The following PAM variants were observed in gnomAD, a reference collection of about 807,000 sequenced individuals.
The protein encoded by PAM is peptidyl-glycine alpha-amidating monooxygenase.
Under a neutral mutation model 122.1 loss-of-function variants are expected in PAM, and 72 were observed. The ratio of observed to expected loss-of-function variants is 0.59; its 90% CI spans 0.49 to 0.72. The LOEUF is 0.72. Ranked by LOEUF, PAM falls within the 30% of genes least tolerant of loss-of-function variation. The pLI is 0.00. For synonymous variants in PAM, 389 were observed against 404.4 expected (o/e 0.96, Z 0.46); for missense variants, 1,106 against 1,183.7 (o/e 0.93, Z 0.96).
chr5:102,929,583 G>A (rs1316710015), intron 7 of PAM, among the ~76,000 whole-genome samples: 2 of 152,130 alleles, frequency 1.3e-5, no homozygotes, highest in African/African-American at 4.8e-5. Flanking sequence ...CTGAAAAGTG[G>A]GGAAATGTTT....
At chr5:102,873,018 C>T (rs1788023227) in intron 3 of PAM, among the ~76,000 whole-genome samples, 1 of 151,828 alleles carries the variant, frequency 6.6e-6, no homozygotes, top group Non-Finnish European at 1.5e-5. Flanking sequence ...ACCCCCATGA[C>T]ATACAATTTA....
At chr5:102,979,085 C>A (rs62362526) in intron 15 of PAM, among the ~76,000 whole-genome samples, 1 of 151,528 alleles carries the variant, frequency 6.6e-6, no homozygotes, top group South Asian at 2.1e-4. Context: ...CACACAAACA[C>A]CCTAGATATA....
chr5:102,969,567 T>C (rs1765209113), intron 14 of PAM, among the ~76,000 whole-genome samples: 1 of 152,152 alleles, frequency 6.6e-6, no homozygotes, highest in African/African-American at 2.4e-5. Flanking sequence ...AAAGTTGATG[T>C]TGCAAATCAG....
intron 1 of PAM, among the ~76,000 whole-genome samples, chr5:102,827,195 A>G (rs1773917643): frequency 6.6e-6 from 1 of 152,234 alleles, no homozygotes; most frequent in South Asian, 2.1e-4. Flanking sequence ...TAATCCAGAA[A>G]TCTGAAATCT....
At chr5:102,978,248 G>A (rs2150523618) in intron 15 of PAM, among the ~76,000 whole-genome samples, 1 of 152,238 alleles carries the variant, frequency 6.6e-6, no homozygotes, top group South Asian at 2.1e-4. Context: ...GGAACTTGTG[G>A]CTCTTCAAAC....
chr5:102,762,060 CT>C (rs1355018175), intron 1 of PAM, among the ~76,000 whole-genome samples: 6 of 152,140 alleles, frequency 3.9e-5, no homozygotes, highest in African/African-American at 1.4e-4. Context: ...AAAAACGTTA[CT>C]TTGTTAAATG....
At chr5:102,807,760 C>T (rs113278402) in intron 1 of PAM, among the ~76,000 whole-genome samples, 2,177 of 152,246 alleles carry the variant, frequency 0.014, 58 homozygotes, top group African/African-American at 0.05. Context: ...TTAATGCTAG[C>T]TAAATGAGAA....
chr5:102,790,470 A>G lies in PAM; in HGVS notation c.-374+35122A>G, dbSNP rs116133399. 1.8e-3 allele frequency among the ~76,000 whole-genome samples: 273 copies of G among 152,178 alleles called. 2 individuals are homozygous for G. Among genetic ancestry groups the G allele is most frequent in the African/African-American group, 6.4e-3 (267 of 41,550 alleles). Reference sequence around the variant, plus strand: ...TATTTTACAATGACAGTAGCTTTCAATAAGCCTGTGGTTCTTATGAGGATG... The same window carrying G: ...TATTTTACAATGACAGTAGCTTTCAGTAAGCCTGTGGTTCTTATGAGGATG... On this transcript the variant is annotated intron_variant, in intron 1 of 25. Coordinates refer to ENST00000438793, the MANE Select transcript of PAM (RefSeq NM_001177306.2).
intron 3 of PAM, among the ~76,000 whole-genome samples, chr5:102,900,354 A>T (rs1433319215): frequency 6.6e-6 from 1 of 151,494 alleles, no homozygotes; most frequent in Non-Finnish European, 1.5e-5. Flanking sequence ...AAATGAAACA[A>T]TGCTGAAATG....
chr5:102,960,674 G>T (rs1276588151), intron 13 of PAM, among the ~76,000 whole-genome samples: 1 of 151,776 alleles, frequency 6.6e-6, no homozygotes, highest in Non-Finnish European at 1.5e-5. Context: ...AGTATGCTGA[G>T]ACTTGATTGA....
intron 21 of PAM, among the ~76,000 whole-genome samples, chr5:103,014,901 C>G (rs1222256570): frequency 6.6e-6 from 1 of 152,148 alleles, no homozygotes; most frequent in African/African-American, 2.4e-5. Flanking sequence ...TGCTTTTATA[C>G]ACACCCTTCG....
chr5:102,908,230 G>A (rs1000663878), intron 4 of PAM, among the ~76,000 whole-genome samples: 148 of 151,906 alleles, frequency 9.7e-4, no homozygotes, highest in African/African-American at 2.9e-3. Context: ...TAAATAGGGA[G>A]TCCTTTCCCC....
At chr5:102,981,807 G>A (rs1769980153) in intron 15 of PAM, among the ~76,000 whole-genome samples, 1 of 152,194 alleles carries the variant, frequency 6.6e-6, no homozygotes, top group Non-Finnish European at 1.5e-5. Context: ...AAGAATGAAT[G>A]AAGTGCAATC....
intron 4 of PAM, among the ~76,000 whole-genome samples, chr5:102,907,135 C>A (rs909966841): frequency 6.6e-6 from 1 of 151,680 alleles, no homozygotes; most frequent in Non-Finnish European, 1.5e-5. Context: ...GTGGCAGCAG[C>A]TTGAAGTCCT....
intron 1 of PAM, among the ~76,000 whole-genome samples, chr5:102,772,194 T>C (rs1010392733): frequency 2.0e-5 from 3 of 152,132 alleles, no homozygotes; most frequent in African/African-American, 7.2e-5. Flanking sequence ...GCATAGAAAA[T>C]GCTTGGCACA....
intron 15 of PAM, among the ~76,000 whole-genome samples, chr5:102,985,474 A>G (rs1428888495): frequency 6.6e-6 from 1 of 152,080 alleles, no homozygotes; most frequent in Non-Finnish European, 1.5e-5. Context: ...CAACAATTGT[A>G]TGCTAATAAA....
chr5:103,004,479 C>A (rs184794103), intron 17 of PAM, among the ~76,000 whole-genome samples: 1 of 152,112 alleles, frequency 6.6e-6, no homozygotes, highest in African/African-American at 2.4e-5. Flanking sequence ...GCTAACAGAG[C>A]TATTGGATTG....
At chr5:102,879,695 A>G (rs1479862327) in intron 3 of PAM, among the ~76,000 whole-genome samples, 2 of 152,192 alleles carry the variant, frequency 1.3e-5, no homozygotes, top group African/African-American at 2.4e-5. Flanking sequence ...CTGTAAGCCA[A>G]TTAAACCTCT....
intron 1 of PAM, among the ~76,000 whole-genome samples, chr5:102,798,265 T>G (rs1045624598): frequency 6.6e-6 from 1 of 152,204 alleles, no homozygotes; most frequent in African/African-American, 2.4e-5. Flanking sequence ...ACAATCACAA[T>G]GTAAAGAGTT....
Sources: allele counts gnomAD v4.1 joint callset (sites outside exome capture counted in the v4.1 genomes callset), GRCh38; gene constraint gnomAD v4.1.1; transcripts MANE v1.5; gene names NCBI Gene and HGNC (gene_info 2026-07-23, HGNC 2026-07-21).